CSMD3: variants seen among roughly 807,000 people sequenced by gnomAD.
The protein encoded by CSMD3 is CUB and Sushi multiple domains 3.
Under a neutral mutation model 435.2 loss-of-function variants are expected in CSMD3, and 177 were observed. The observed-to-expected ratio is 0.41, with a 90% CI of 0.36 to 0.46. The LOEUF is 0.46. Ranked by LOEUF, CSMD3 falls within the 20% of genes least tolerant of loss-of-function variation. The probability of loss-of-function intolerance (pLI) is 0.34; values close to 1 mark genes in which losing one functional copy is unlikely to be tolerated. For missense variants in CSMD3, 4,265 were observed against 4,504.6 expected, an observed-to-expected ratio of 0.95 and a Z score of 1.52; for synonymous variants, 1,656 against 1,520.5, an observed-to-expected ratio of 1.09 and a Z score of -2.07.
intron 12 of CSMD3, among the ~76,000 whole-genome samples, chr8:112,825,297 T>C (rs2079644925): frequency 6.6e-6 from 1 of 152,212 alleles, no homozygotes; most frequent in South Asian, 2.1e-4. Flanking sequence ...ATCTGAAGCC[T>C]ACTTCTGTCA....
intron 22 of CSMD3, among the ~76,000 whole-genome samples, chr8:112,601,968 C>T (rs554287452): frequency 6.6e-4 from 101 of 152,202 alleles, no homozygotes; most frequent in Non-Finnish European, 1.2e-3. Flanking sequence ...TTAAGCATAA[C>T]GTTAATAAAG....
chr8:112,820,304 T>TATG (rs1201341661), intron 12 of CSMD3, among the ~76,000 whole-genome samples: 2 of 152,114 alleles, frequency 1.3e-5, no homozygotes, highest in South Asian at 2.1e-4. Context: ...AAAGGCTTGG[T>TATG]ATGCTTACCC....
chr8:112,365,932 G>A (rs890085266), intron 38 of CSMD3, among the ~76,000 whole-genome samples: 1 of 152,144 alleles, frequency 6.6e-6, no homozygotes, highest in African/African-American at 2.4e-5. Flanking sequence ...CTCAAGGGAT[G>A]CCAAAACTTT....
intron 5 of CSMD3, among the ~76,000 whole-genome samples, chr8:113,064,074 A>G (rs1050371023): frequency 2.0e-5 from 3 of 151,102 alleles, no homozygotes; most frequent in Non-Finnish European, 4.4e-5. Context: ...TATACTATTT[A>G]TTATAGTTAC....
chr8:112,809,781 A>G (rs2079176525), intron 12 of CSMD3, among the ~76,000 whole-genome samples: 1 of 151,886 alleles, frequency 6.6e-6, no homozygotes, highest in South Asian at 2.1e-4. Flanking sequence ...TTCTTAAAGC[A>G]TTTAAGTTAA....
chr8:112,499,075 G>A (rs1821665140), intron 30 of CSMD3, among the ~76,000 whole-genome samples: 1 of 152,080 alleles, frequency 6.6e-6, no homozygotes, highest in South Asian at 2.1e-4. Flanking sequence ...CTACTGGAGT[G>A]AGGGGGATGC....
intron 32 of CSMD3, among the ~76,000 whole-genome samples, chr8:112,422,377 CAT>C (rs1812616996): frequency 1.3e-5 from 2 of 152,230 alleles, no homozygotes; most frequent in South Asian, 4.1e-4. Context: ...AATAAGGTGA[CAT>C]ATTCTGCAGA....
chr8:112,898,486 T>C (rs1031669198), intron 10 of CSMD3, among the ~76,000 whole-genome samples: 1 of 151,284 alleles, frequency 6.6e-6, no homozygotes, highest in African/African-American at 2.4e-5. Context: ...TTTTAGTAAA[T>C]GGACGCTATA....
chr8:112,459,279 C>T (rs781251356), intron 32 of CSMD3, among the ~76,000 whole-genome samples: 1 of 149,488 alleles, frequency 6.7e-6, no homozygotes, highest in Non-Finnish European at 1.5e-5. Flanking sequence ...TCTCATTATA[C>T]TTTGGGTTTT....
chr8:113,223,766 G>A (rs1407245488), intron 3 of CSMD3, among the ~76,000 whole-genome samples: 1 of 149,952 alleles, frequency 6.7e-6, no homozygotes, highest in Non-Finnish European at 1.5e-5. Flanking sequence ...GTGTGTATGT[G>A]TGTGTGTGTG....
chr8:113,278,804 T>A (rs1387126268), intron 2 of CSMD3, 100 bp from the exon 3 acceptor site: 2 of 681,284 alleles, frequency 2.9e-6, no homozygotes, highest in East Asian at 5.8e-5. Context: ...TAAAACAGAT[T>A]TTCTCCTATA....
At chr8:112,954,650 A>G in intron 8 of CSMD3, 34 bp downstream of exon 8, 1 of 1,349,218 alleles carries the variant, frequency 7.4e-7, no homozygotes, top group South Asian at 1.2e-5. Context: ...TCACTCTTGC[A>G]CTAGAGAAAG....
intron 20 of CSMD3, among the ~76,000 whole-genome samples, chr8:112,644,614 G>A (rs1307259998): frequency 1.3e-5 from 2 of 151,934 alleles, no homozygotes; most frequent in Non-Finnish European, 2.9e-5. Context: ...CTATAGCTCT[G>A]TACTAAAGAA....
intron 7 of CSMD3, among the ~76,000 whole-genome samples, chr8:112,973,922 T>C (rs2084751486): frequency 6.6e-6 from 1 of 151,912 alleles, no homozygotes; most frequent in Non-Finnish European, 1.5e-5. Context: ...ACATTAAAAA[T>C]GTTTTCCATA....
chr8:113,080,448 C>A (rs1190649414), intron 5 of CSMD3, among the ~76,000 whole-genome samples: 1 of 152,002 alleles, frequency 6.6e-6, no homozygotes, highest in East Asian at 1.9e-4. Context: ...ATGCTAGGCA[C>A]AGAAAATTGA....
chr8:112,741,816 G>GATAGATAGATAGATAT lies in CSMD3; in HGVS notation c.1973-51767_1973-51766insATATCTATCTATCTAT, dbSNP rs1453769522. On this transcript the variant is annotated intron_variant, in intron 13 of 70. Transcript: ENST00000297405. ...GAGAAGATAGATAGATAGATAGATA[G>GATAGATAGATAGATAT]ATAGATAGATAACACAAAAAGTTGA... Among the ~76,000 whole-genome samples the GATAGATAGATAGATAT allele has an allele frequency of 5.9e-5, 9 of 151,924 alleles. No homozygotes were observed. The East Asian group carries it at 1.4e-3, about 23-fold the overall frequency.
chr8:113,385,097 C>T (rs1471912845), intron 1 of CSMD3, among the ~76,000 whole-genome samples: 1 of 152,102 alleles, frequency 6.6e-6, no homozygotes, highest in African/African-American at 2.4e-5. Flanking sequence ...AACTCTAATA[C>T]ATAATTCAAA....
At chr8:113,062,029 CTTAAT>C (rs998001633) in intron 5 of CSMD3, among the ~76,000 whole-genome samples, 121 of 150,318 alleles carry the variant, frequency 8.0e-4, no homozygotes, top group African/African-American at 2.7e-3. Flanking sequence ...TTTGAAAACT[CTTAAT>C]TTGTCTATTG....
intron 4 of CSMD3, among the ~76,000 whole-genome samples, chr8:113,136,908 G>C (rs545321233): frequency 6.6e-6 from 1 of 151,670 alleles, no homozygotes; most frequent in African/African-American, 2.4e-5. Flanking sequence ...AAGTCAAGCA[G>C]ACAGCCTATA....
Sources: gnomAD v4.1 joint callset for allele counts (sites outside exome capture counted in the v4.1 genomes callset) on GRCh38, gnomAD v4.1.1 for gene constraint, MANE v1.5 for transcripts, NCBI Gene and HGNC (gene_info 2026-07-23, HGNC 2026-07-21) for gene names.